EYS: variants seen among roughly 807,000 people sequenced by gnomAD.
EYS encodes the protein protein eyes shut homolog.
A neutral mutation model predicts 282.1 loss-of-function variants in EYS; 250 were observed. That is an observed-to-expected ratio of 0.89 (90% CI 0.80 to 0.98). The LOEUF is 0.98. EYS is among the 50% of genes least tolerant of loss of function. EYS has a pLI of 0.00. For missense variants in EYS, 4,016 were observed against 3,709.0 expected, an observed-to-expected ratio of 1.08 and a Z score of -2.15; for synonymous variants, 1,355 against 1,282.9, an observed-to-expected ratio of 1.06 and a Z score of -1.20.
At chr6:65,483,719 T>A (rs1363650418) in intron 5 of EYS, among the ~76,000 whole-genome samples, 1 of 152,068 alleles carries the variant, frequency 6.6e-6, no homozygotes, top group Non-Finnish European at 1.5e-5. Context: ...ATGCTGCTGA[T>A]TAAGACATAC....
intron 30 of EYS, among the ~76,000 whole-genome samples, chr6:64,254,164 A>G (rs1767315700): frequency 6.6e-6 from 1 of 152,032 alleles, no homozygotes; most frequent in South Asian, 2.1e-4. Flanking sequence ...GCCTCACTGT[A>G]CCCATGTCTT....
At chr6:64,316,094 A>G (rs927424690) in intron 29 of EYS, among the ~76,000 whole-genome samples, 3 of 152,198 alleles carry the variant, frequency 2.0e-5, no homozygotes, top group Admixed American at 2.0e-4. Context: ...ATTAATGACA[A>G]ACTTACAGCC....
intron 5 of EYS, among the ~76,000 whole-genome samples, chr6:65,472,313 T>A (rs908560990): frequency 6.6e-6 from 1 of 152,078 alleles, no homozygotes; most frequent in Non-Finnish European, 1.5e-5. Flanking sequence ...GTTTGGCAGA[T>A]CCATGTTTTC....
At chr6:65,523,820 T>C (rs1447770175) in intron 2 of EYS, among the ~76,000 whole-genome samples, 5 of 152,190 alleles carry the variant, frequency 3.3e-5, no homozygotes, top group Non-Finnish European at 5.9e-5. Flanking sequence ...AGTTAGTGTT[T>C]CTCAAGGATA....
intron 2 of EYS, among the ~76,000 whole-genome samples, chr6:65,619,660 T>C (rs1246055088): frequency 1.9e-4 from 29 of 151,798 alleles, no homozygotes; most frequent in Non-Finnish European, 3.8e-4. Flanking sequence ...TTCCAGTTTT[T>C]GCCCATTCAG....
In EYS at chr6:64,825,054, A is replaced by C. The variant is rs183357877; in HGVS notation, c.2993-2232T>G. ...TCATCTTATTTTAATCTCACCCTTG[A>C]CTAGTCTACTTTACTTACATTGACC... On this transcript the variant is annotated intron_variant, in intron 19 of 42. Transcript: ENST00000503581. Among the ~76,000 whole-genome samples, 67 of 151,942 alleles carry C rather than the reference A, an allele frequency of 4.4e-4. No homozygotes were observed. In the East Asian group the frequency reaches 0.012, roughly 27 times the overall value.
chr6:64,429,508 G>A lies in EYS; in HGVS notation c.5927+6666C>T, dbSNP rs141880086. Among the ~76,000 whole-genome samples the A allele has an allele frequency of 1.6e-4, 25 of 152,252 alleles. No homozygotes were observed. The East Asian group carries it at 3.7e-3, about 22-fold the overall frequency. ...TAGCTGGGCATGGTGGCAGGCACCT[G>A]TAATCCCAGCTACTCGGGAGGCTGA... is the stretch of plus-strand genomic sequence containing the variant. On this transcript the variant is annotated intron_variant, in intron 28 of 42. Coordinates refer to ENST00000503581, the MANE Select transcript of EYS (RefSeq NM_001142800.2).
chr6:64,311,817 C>T (rs1175310587), intron 29 of EYS, among the ~76,000 whole-genome samples: 4 of 152,132 alleles, frequency 2.6e-5, no homozygotes, highest in Admixed American at 6.6e-5. Flanking sequence ...GAGACTATAT[C>T]GGGAGGAACG....
At chr6:64,384,014 G>T (rs1304824326) in intron 29 of EYS, among the ~76,000 whole-genome samples, 1 of 152,034 alleles carries the variant, frequency 6.6e-6, no homozygotes, top group Admixed American at 6.5e-5. Flanking sequence ...AACTGAAGTG[G>T]TTTCTTTCTT....
chr6:63,903,635 C>G (rs778381436), intron 35 of EYS, among the ~76,000 whole-genome samples: 2 of 152,198 alleles, frequency 1.3e-5, no homozygotes, highest in Non-Finnish European at 2.9e-5. Context: ...ACACTTATAA[C>G]TTTCTCATAA....
intron 14 of EYS, among the ~76,000 whole-genome samples, chr6:64,975,473 T>A (rs1468958985): frequency 2.0e-5 from 3 of 151,982 alleles, no homozygotes; most frequent in Admixed American, 1.3e-4. Flanking sequence ...CTTATTTTTT[T>A]AAAAAAGTTT....
chr6:64,478,217 T>C (rs1383566673), intron 26 of EYS, among the ~76,000 whole-genome samples: 1 of 151,992 alleles, frequency 6.6e-6, no homozygotes, highest in East Asian at 1.9e-4. Context: ...ACCTTTTGCA[T>C]GCAATTTTAT....
At chr6:64,343,897 T>A (rs1182643121) in intron 29 of EYS, among the ~76,000 whole-genome samples, 1 of 151,948 alleles carries the variant, frequency 6.6e-6, no homozygotes, top group Non-Finnish European at 1.5e-5. Flanking sequence ...CCCACAGAAA[T>A]ACAAACTACA....
intron 35 of EYS, among the ~76,000 whole-genome samples, chr6:63,866,328 A>T (rs918569229): frequency 1.3e-5 from 2 of 152,184 alleles, no homozygotes; most frequent in Admixed American, 1.3e-4. Flanking sequence ...TGGAGTTGAA[A>T]GGTCAGTATT....
chr6:63,972,739 G>A (rs896832197), intron 35 of EYS, among the ~76,000 whole-genome samples: 3 of 151,970 alleles, frequency 2.0e-5, no homozygotes, highest in Non-Finnish European at 4.4e-5. Context: ...CTCTCCCTGT[G>A]TTCATGTGTT....
chr6:64,166,741 G>A (rs556352098), intron 31 of EYS, among the ~76,000 whole-genome samples: 1 of 152,310 alleles, frequency 6.6e-6, no homozygotes, highest in South Asian at 2.1e-4. Flanking sequence ...CAACTTCGGA[G>A]TGAATTACAA....
At chr6:63,791,292 A>G (rs780373944) in intron 37 of EYS, among the ~76,000 whole-genome samples, 1 of 152,038 alleles carries the variant, frequency 6.6e-6, no homozygotes, top group Non-Finnish European at 1.5e-5. Context: ...GGGGCCGGGC[A>G]CGGTGGCTCA....
At chr6:64,034,100 A>G (rs1369067513) in intron 33 of EYS, among the ~76,000 whole-genome samples, 1 of 152,216 alleles carries the variant, frequency 6.6e-6, no homozygotes, top group Admixed American at 6.5e-5. Flanking sequence ...ATGGTCTGCA[A>G]TAGCAGGGCA....
At chr6:65,146,213 C>A (rs938920103) in intron 12 of EYS, among the ~76,000 whole-genome samples, 1 of 151,526 alleles carries the variant, frequency 6.6e-6, no homozygotes, top group African/African-American at 2.4e-5. Context: ...GATCTCTAAG[C>A]AACGTTTAGC....
Sources: gnomAD v4.1 joint callset for allele counts (sites outside exome capture counted in the v4.1 genomes callset) on GRCh38, gnomAD v4.1.1 for gene constraint, MANE v1.5 for transcripts, NCBI Gene and HGNC (gene_info 2026-07-23, HGNC 2026-07-21) for gene names.